N4BP2L1: variants seen among roughly 807,000 people sequenced by gnomAD.
N4BP2L1 encodes the protein NEDD4-binding protein 2-like 1.
N4BP2L1 carries 12 observed loss-of-function variants against 21.2 expected under a neutral mutation model. That is an observed-to-expected ratio of 0.57 (90% CI 0.36 to 0.92). N4BP2L1 has a LOEUF of 0.92. Among genes scored for constraint, N4BP2L1 ranks in the 40% least tolerant of loss-of-function variants. N4BP2L1 has a pLI of 0.01. For synonymous variants in N4BP2L1, 104 were observed against 112.8 expected, an observed-to-expected ratio of 0.92 and a Z score of 0.49; for missense variants, 259 against 310.6, an observed-to-expected ratio of 0.83 and a Z score of 1.25.
At chr13:32,408,701 C>T (rs1389899138) in intron 1 of N4BP2L1, among the ~76,000 whole-genome samples, 2 of 152,168 alleles carry the variant, frequency 1.3e-5, no homozygotes, top group Non-Finnish European at 2.9e-5. Flanking sequence ...AATATGGTCA[C>T]ATGGCCATGC....
In N4BP2L1 at chr13:32,402,279, T is replaced by C; in HGVS notation, c.*663A>G. The C allele has an allele frequency of 2.9e-6, 2 of 678,258 alleles. No homozygotes were observed. The highest frequency in any genetic ancestry group is 3.6e-6 in the Non-Finnish European group (2 of 549,728). 42.0% of individuals were successfully genotyped at this position (678,258 alleles called of 1,614,324 possible). A position where few individuals can be genotyped will look rare whatever the true frequency, so the allele number is the denominator to read the frequency against. ...AAGGCGTGACTTTAAATAATGACAC[T>C]GATTTCCCTCAGTAGCTCCTGTAGC... On this transcript the variant is annotated 3_prime_UTR_variant, in exon 5 of 5. Transcript: ENST00000380130.
upstream of N4BP2L1, among the ~76,000 whole-genome samples, chr13:32,428,968 G>T (rs1160242250): frequency 6.6e-6 from 1 of 152,220 alleles, no homozygotes; most frequent in Admixed American, 6.5e-5. Flanking sequence ...TCAAGAGCGT[G>T]ACAGAGTGAT....
intron 1 of N4BP2L1, among the ~76,000 whole-genome samples, chr13:32,408,711 C>A (rs1440674703): frequency 6.6e-6 from 1 of 152,130 alleles, no homozygotes; most frequent in Non-Finnish European, 1.5e-5. Context: ...CATGGCCATG[C>A]TCAGAATAAG....
intron 4 of N4BP2L1, 195 bp downstream of exon 4, chr13:32,404,126 G>A: frequency 6.3e-7 from 1 of 1,589,012 alleles, no homozygotes; most frequent in Non-Finnish European, 8.6e-7. Flanking sequence ...TTAGCATTTA[G>A]CATTATATTA....
At chr13:32,405,963 C>G (rs1272315692) in intron 3 of N4BP2L1, among the ~76,000 whole-genome samples, 1 of 138,596 alleles carries the variant, frequency 7.2e-6, no homozygotes, top group Non-Finnish European at 1.5e-5. Flanking sequence ...AGTGCAGTGG[C>G]ACGATCTCAG....
intron 1 of N4BP2L1, among the ~76,000 whole-genome samples, chr13:32,414,362 A>G (rs557177005): frequency 1.3e-5 from 2 of 152,182 alleles, no homozygotes; most frequent in African/African-American, 4.8e-5. Flanking sequence ...CTACTTCTTT[A>G]ATTATCAGCA....
At chr13:32,414,045 C>A (rs2074001273) in intron 1 of N4BP2L1, among the ~76,000 whole-genome samples, 1 of 151,936 alleles carries the variant, frequency 6.6e-6, no homozygotes, top group Non-Finnish European at 1.5e-5. Context: ...CCATGCCCAG[C>A]TAATTTTTGT....
rs138725745 is a variant in N4BP2L1, at chr13:32,417,410, TCTC to T, written c.180-9641_180-9639del. ...GCTTTTTCCCCTTTTGCTCAGCACT[TCTC>T]CTTGCTGTCACCATGTGAGGATGTG... On this transcript the variant is annotated intron_variant, in intron 1 of 4. Coordinates refer to ENST00000380130, the MANE Select transcript of N4BP2L1 (RefSeq NM_052818.3). 8.9e-3 allele frequency among the ~76,000 whole-genome samples: 1,357 copies of T among 152,240 alleles called. 28 individuals are homozygous for T. The highest frequency in any genetic ancestry group is 0.031 in the African/African-American group (1,285 of 41,538).
rs750603046 is a variant in N4BP2L1 at position 32,427,997 on chromosome 13, G to A, written c.86C>T (p.Pro29Leu). 9.0e-6 allele frequency: 14 copies of A among 1,555,620 alleles called. No individual in the cohort carries two copies. In the South Asian group the frequency reaches 1.5e-4, roughly 17 times the overall value. Residue 29 changes from proline (P) to leucine (L), a missense_variant, in exon 1 of 5, where the codon CCC becomes CTC. By Grantham distance (98) the Pro-to-Leu change is moderately conservative (BLOSUM62 -3). Transcript: ENST00000380130. ...QQQRQRPPRPPPRGTPPRRHS... is the reference protein window; with the variant it reads ...QQQRQRPPRPLPRGTPPRRHS... ...GCGGCGAGGAGGTGTCCCCCGCGGG[G>A]GCGGCCGGGGCGGCCGCTGCCGCTG...
At chr13:32,414,298 A>G (rs2074014695) in intron 1 of N4BP2L1, among the ~76,000 whole-genome samples, 1 of 152,222 alleles carries the variant, frequency 6.6e-6, no homozygotes, top group Non-Finnish European at 1.5e-5. Flanking sequence ...CATAATGCTT[A>G]ACTAATAATT....
At chr13:32,427,402 C>T (rs927682890) in intron 1 of N4BP2L1, among the ~76,000 whole-genome samples, 4 of 152,266 alleles carry the variant, frequency 2.6e-5, no homozygotes, top group Non-Finnish European at 5.9e-5. Flanking sequence ...CGCCTGTTGA[C>T]GCACTGTAGC....
chr13:32,412,344 AGGCCGG>A (rs1566310079), intron 1 of N4BP2L1, among the ~76,000 whole-genome samples: 9 of 152,054 alleles, frequency 5.9e-5, no homozygotes, highest in African/African-American at 2.2e-4. Flanking sequence ...AGTAAATTGC[AGGCCGG>A]GCGCGGTGGC....
At chr13:32,427,180 G>A (rs144734049) in intron 1 of N4BP2L1, among the ~76,000 whole-genome samples, 6,642 of 152,338 alleles carry the variant, frequency 0.044, 240 homozygotes, top group African/African-American at 0.1. Context: ...GAATTTGGGC[G>A]CCCATGGCGA....
chr13:32,405,891 C>CT (rs1016463877), intron 3 of N4BP2L1, among the ~76,000 whole-genome samples: 1 of 134,174 alleles, frequency 7.5e-6, no homozygotes, highest in African/African-American at 2.8e-5. Flanking sequence ...CTTCCTGCCC[C>CT]CTTTTTTTTT....
chr13:32,404,153 C>T (rs372358284), intron 4 of N4BP2L1, 168 bp downstream of exon 4: 48 of 1,609,572 alleles, frequency 3.0e-5, no homozygotes, highest in African/African-American at 9.4e-5. Flanking sequence ...TGACCCAAAA[C>T]TAAAGTCTTC....
chr13:32,404,133 A>G (rs2073324633), intron 4 of N4BP2L1, 188 bp downstream of exon 4: 1 of 1,598,870 alleles, frequency 6.3e-7, no homozygotes, highest in Non-Finnish European at 8.5e-7. Context: ...TTAGCATTAT[A>G]TTAGAAAACT....
intron 3 of N4BP2L1, chr13:32,406,982 A>G (rs927773108): frequency 4.3e-6 from 2 of 462,826 alleles, no homozygotes; most frequent in Non-Finnish European, 7.9e-6. Flanking sequence ...AGTAATTAAG[A>G]CAGAAAAGTT....
chr13:32,414,969 A>G (rs564722102), intron 1 of N4BP2L1, among the ~76,000 whole-genome samples: 17 of 152,336 alleles, frequency 1.1e-4, no homozygotes, highest in Admixed American at 3.3e-4. Flanking sequence ...TCTTTTCCCC[A>G]CAGGCATTAA....
At position 32,427,911 on chromosome 13, in the gene N4BP2L1, G is replaced by C. The variant is rs770283413; in HGVS notation, c.172C>G (p.Leu58Val). Residue 58 changes from leucine (L) to valine (V), a missense_variant, in exon 1 of 5, where the codon CTG (leucine) becomes GTG (valine). Coordinates refer to ENST00000380130, the MANE Select transcript of N4BP2L1 (RefSeq NM_052818.3). Reference protein sequence around the residue: ...RGLPGSGKTTLARQLQHDFPR... With the variant: ...RGLPGSGKTTVARQLQHDFPR... ...CCAGACCGCTGTCATTACCTGGCCA[G>C]TGTAGTTTTCCCGGAGCCCGGGAGG... The C allele has an allele frequency of 4.6e-6, 7 of 1,516,440 alleles. No homozygotes were observed. Among genetic ancestry groups the C allele is most frequent in the Non-Finnish European group, 6.2e-6 (7 of 1,131,350 alleles). The allele number at this position is 1,516,440 out of a possible 1,614,324, so 93.9% of individuals were successfully genotyped here.
Sources: allele counts gnomAD v4.1 joint callset (sites outside exome capture counted in the v4.1 genomes callset), GRCh38; gene constraint gnomAD v4.1.1; transcripts MANE v1.5; gene names NCBI Gene and HGNC (gene_info 2026-07-23, HGNC 2026-07-21).